C11orf58: variants seen among roughly 807,000 people sequenced by gnomAD.
C11orf58 encodes the protein small acidic protein.
Under a neutral mutation model 22.7 loss-of-function variants are expected in C11orf58, and 5 were observed. The observed-to-expected ratio is 0.22, with a 90% confidence interval of 0.12 to 0.46. The LOEUF (loss-of-function observed/expected upper bound fraction) is 0.46. Ranked by LOEUF, C11orf58 falls within the 20% of genes least tolerant of loss-of-function variation. The pLI is 0.99. For synonymous variants in C11orf58, 71 were observed against 70.7 expected (o/e 1.00, Z -0.02); for missense variants, 151 against 223.3 (o/e 0.68, Z 2.06).
At chr11:16,754,727 T>C in intron 4 of C11orf58, 144 bp from the exon 5 acceptor site, 1 of 1,369,214 alleles carries the variant, frequency 7.3e-7, no homozygotes, top group Non-Finnish European at 9.8e-7. Flanking sequence ...GAGCTCTTTC[T>C]TAAAATTCTA....
chr11:16,746,414 A>C (rs1444195661), intron 2 of C11orf58, among the ~76,000 whole-genome samples: 1 of 152,234 alleles, frequency 6.6e-6, no homozygotes, highest in African/African-American at 2.4e-5. Context: ...ACTGACAATA[A>C]AGTTGTTTCA....
chr11:16,755,185 C>T lies in C11orf58; in HGVS notation c.*81C>T, dbSNP rs1215575274. The T allele has an allele frequency of 2.8e-6, 4 of 1,446,828 alleles. No homozygotes were observed. The highest frequency in any genetic ancestry group is 2.8e-6 in the Non-Finnish European group (3 of 1,073,166). The allele number at this position is 1,446,828 out of a possible 1,614,324, so 89.6% of individuals were successfully genotyped here. A position where few individuals can be genotyped will look rare whatever the true frequency, so the allele number is the denominator to read the frequency against. On this transcript the variant is annotated 3_prime_UTR_variant, in exon 5 of 5. Coordinates refer to ENST00000228136, the MANE Select transcript of C11orf58 (RefSeq NM_014267.6). The stretch of plus-strand genomic sequence containing the variant: ...TGGAGGACTGCTTATAGAGCACAGA[C>T]CTTTGTATTATAATTTTTAAAAAGG...
chr11:16,742,334 A>G (rs1232322231), intron 1 of C11orf58, among the ~76,000 whole-genome samples: 1 of 152,214 alleles, frequency 6.6e-6, no homozygotes, highest in Non-Finnish European at 1.5e-5. Context: ...TCTGTGCCTC[A>G]GTGTCTTAAG....
intron 1 of C11orf58, among the ~76,000 whole-genome samples, chr11:16,740,508 T>A (rs145390531): frequency 2.1e-3 from 312 of 152,104 alleles, no homozygotes; most frequent in Non-Finnish European, 3.2e-3. Context: ...GCTCAGGTGA[T>A]CCTCCTGCTT....
intron 1 of C11orf58, among the ~76,000 whole-genome samples, chr11:16,740,435 G>A (rs957094543): frequency 3.9e-5 from 6 of 152,122 alleles, no homozygotes; most frequent in Non-Finnish European, 7.4e-5. Context: ...CAGGGTCTCT[G>A]TCGCCCAGGC....
chr11:16,753,885 G>A, intron 4 of C11orf58: 1 of 517,052 alleles, frequency 1.9e-6, no homozygotes. Context: ...TTTTTGTAGA[G>A]ACGGAGTTTT....
At position 16,756,665 on chromosome 11, in the gene C11orf58, T is replaced by C. The variant is rs190401167; in HGVS notation, c.*1561T>C. Among the ~76,000 whole-genome samples, 1,258 of 151,636 alleles carry C rather than the reference T, an allele frequency of 8.3e-3. 13 individuals are homozygous for C. Among genetic ancestry groups the C allele is most frequent in the African/African-American group, 0.029 (1,187 of 41,384 alleles). On this transcript the variant is annotated 3_prime_UTR_variant, in exon 5 of 5. Coordinates refer to ENST00000228136, the MANE Select transcript of C11orf58 (RefSeq NM_014267.6). ...GGCTCACACCTATAATCCCAGCACT[T>C]TGGGAGGCCGAGGTGGCTGGATCAC...
chr11:16,742,217 T>G (rs560663187), intron 1 of C11orf58, among the ~76,000 whole-genome samples: 1 of 152,326 alleles, frequency 6.6e-6, no homozygotes, highest in Non-Finnish European at 1.5e-5. Flanking sequence ...CTATACATTT[T>G]TATAACTAGT....
intron 1 of C11orf58, among the ~76,000 whole-genome samples, chr11:16,742,932 G>A (rs1848459162): frequency 6.6e-6 from 1 of 151,994 alleles, no homozygotes; most frequent in Admixed American, 6.6e-5. Context: ...TGGAACCTGA[G>A]AATAGGAAAA....
At position 16,757,403 on chromosome 11, in the gene C11orf58, G is replaced by A. The variant is rs1044139135; in HGVS notation, c.*2299G>A. ...ACACTAAAAGACTTTCTTCATCTCC[G>A]TATAGAGAAATCCAGATTTCAATTA... On this transcript the variant is annotated 3_prime_UTR_variant, in exon 5 of 5. Transcript: ENST00000228136. 2.6e-5 allele frequency among the ~76,000 whole-genome samples: 4 copies of A among 152,148 alleles called. No homozygotes were observed. Among genetic ancestry groups the A allele is most frequent in the South Asian group, 2.1e-4 (1 of 4,828 alleles).
At chr11:16,745,877 T>A (rs1848483824) in intron 2 of C11orf58, among the ~76,000 whole-genome samples, 1 of 152,268 alleles carries the variant, frequency 6.6e-6, no homozygotes, top group African/African-American at 2.4e-5. Flanking sequence ...TCTCTTTTTT[T>A]AAGCACATTA....
chr11:16,742,784 C>T (rs76952436), intron 1 of C11orf58, among the ~76,000 whole-genome samples: 2,208 of 151,914 alleles, frequency 0.015, 24 homozygotes, highest in Non-Finnish European at 0.018. Context: ...AATAGCAAAC[C>T]GAAATTTATA....
intron 3 of C11orf58, chr11:16,749,183 A>T (rs965440491): frequency 5.3e-5 from 8 of 152,344 alleles, no homozygotes; most frequent in African/African-American, 1.9e-4. Context: ...TTGCCTATTT[A>T]AAACTGACCC....
At chr11:16,745,035 G>A (rs1254321750) in intron 2 of C11orf58, among the ~76,000 whole-genome samples, 1 of 152,102 alleles carries the variant, frequency 6.6e-6, no homozygotes, top group Non-Finnish European at 1.5e-5. Context: ...GGGAACCTCT[G>A]GCCAAAGTGA....
chr11:16,751,065 T>C (rs1029378730), intron 3 of C11orf58: 1 of 152,032 alleles, frequency 6.6e-6, no homozygotes, highest in African/African-American at 2.4e-5. Context: ...ACACGTCTTC[T>C]CTTATACACA....
At chr11:16,744,102 G>C (rs1848470053) in intron 1 of C11orf58, 1 of 148,044 alleles carries the variant, frequency 6.8e-6, no homozygotes, top group South Asian at 2.1e-4. Flanking sequence ...TCTCTTAAAA[G>C]TTAGCTCACT....
intron 4 of C11orf58, 102 bp from the exon 5 acceptor site, chr11:16,754,769 A>G: frequency 1.3e-6 from 2 of 1,527,550 alleles, no homozygotes; most frequent in Non-Finnish European, 1.8e-6. Context: ...TCTAATGGCT[A>G]CAAAGTAGAG....
rs1327285284 is a variant in C11orf58 at position 16,744,831 on chromosome 11, A to C, written c.147+147A>C. ...TGGCTTTGGGAAATACATGTGGCCT[A>C]ACCAAGCACATAAAATTTATATTAT... On this transcript the variant is annotated intron_variant, in intron 2 of 4. Coordinates refer to ENST00000228136, the MANE Select transcript of C11orf58 (RefSeq NM_014267.6). The C allele has an allele frequency of 2.4e-5, 16 of 664,968 alleles. No homozygotes were observed. In the South Asian group the frequency reaches 3.1e-4, roughly 13 times the overall value. The allele number at this position is 664,968 out of a possible 1,614,324, so 41.2% of individuals were successfully genotyped here.
chr11:16,754,547 C>CTTTT (rs573626223), intron 4 of C11orf58, among the ~76,000 whole-genome samples: 478 of 31,498 alleles, frequency 0.015, 190 homozygotes, highest in Non-Finnish European at 0.024. Flanking sequence ...CTCTCTCTCC[C>CTTTT]TTTTTTTTTT....
Sources: allele counts gnomAD v4.1 joint callset (sites outside exome capture counted in the v4.1 genomes callset), GRCh38; gene constraint gnomAD v4.1.1; transcripts MANE v1.5; gene names NCBI Gene and HGNC (gene_info 2026-07-23, HGNC 2026-07-21).